TMEM178B: variants seen among roughly 807,000 people sequenced by gnomAD.
The protein encoded by TMEM178B is transmembrane protein 178B.
Under a neutral mutation model 31.0 loss-of-function variants are expected in TMEM178B, and 5 were observed. The ratio of observed to expected loss-of-function variants is 0.16; its 90% CI spans 0.08 to 0.34. The LOEUF (loss-of-function observed/expected upper bound fraction) is 0.34, where lower values mean the gene tolerates loss of function less well. Among genes scored for constraint, TMEM178B ranks in the 10% least tolerant of loss-of-function variants. The probability of loss-of-function intolerance (pLI) is 1.00; values close to 1 mark genes in which losing one functional copy is unlikely to be tolerated. For synonymous variants in TMEM178B, 164 were observed against 164.0 expected (o/e 1.00, Z 0.00); for missense variants, 275 against 400.3 (o/e 0.69, Z 2.67).
At chr7:141,508,026 G>A in the TMEM178B span, among the ~76,000 whole-genome samples, 6 of 152,306 alleles carry the variant, frequency 3.9e-5, no homozygotes, top group East Asian at 1.2e-3. Context: ...TTTCTCCCCA[G>A]AAAATGGGTT....
intron 3 of TMEM178B, among the ~76,000 whole-genome samples, chr7:141,464,317 G>T (rs142348646): frequency 1.3e-5 from 2 of 151,968 alleles, no homozygotes; most frequent in African/African-American, 4.8e-5. Context: ...GTTGCTACTG[G>T]ATATTTATGA....
At position 141,409,278 on chromosome 7, in the gene TMEM178B, A is replaced by C. The variant is rs533597866; in HGVS notation, c.497-28330A>C. On this transcript the variant is annotated intron_variant, in intron 2 of 3. Transcript: ENST00000565468. ...TGGCTGGCAAGAGGAGAGAAGAAAA[A>C]CTGTTCCCAGATGCATTTTATTTGG... is the stretch of plus-strand genomic sequence containing the variant. Among the ~76,000 whole-genome samples, 166 of 152,196 alleles carry C rather than the reference A, an allele frequency of 1.1e-3. 3 individuals carry two copies. In the South Asian group the frequency reaches 0.032, roughly 29 times the overall value.
At position 141,395,069 on chromosome 7, in the gene TMEM178B, C is replaced by T. The variant is rs932931265; in HGVS notation, c.497-42539C>T. Among the ~76,000 whole-genome samples, 3 of 152,210 alleles carry T rather than the reference C, an allele frequency of 2.0e-5. No individual in the cohort carries two copies. The East Asian group carries it at 5.8e-4, about 29-fold the overall frequency. On this transcript the variant is annotated intron_variant, in intron 2 of 3. Coordinates refer to ENST00000565468, the MANE Select transcript of TMEM178B (RefSeq NM_001195278.2). ...CCCTCTCACTCCTGTTTCCAATTGC[C>T]TTGTCCAGACACTGGGCAGTCCTCC...
chr7:141,448,054 C>G (rs1801794371), intron 3 of TMEM178B, among the ~76,000 whole-genome samples: 1 of 151,716 alleles, frequency 6.6e-6, no homozygotes, highest in Non-Finnish European at 1.5e-5. Flanking sequence ...TTGTAAACCC[C>G]CTTCTCCCTA....
At chr7:141,117,627 T>G (rs1023299179) in intron 1 of TMEM178B, among the ~76,000 whole-genome samples, 2 of 152,022 alleles carry the variant, frequency 1.3e-5, no homozygotes, top group African/African-American at 4.8e-5. Context: ...TCTTCTAGGG[T>G]TTTTTATGGT....
intron 1 of TMEM178B, among the ~76,000 whole-genome samples, chr7:141,190,573 G>A (rs139520091): frequency 1.1e-3 from 166 of 152,110 alleles, no homozygotes; most frequent in East Asian, 6.8e-3. Context: ...GGCCTCTCAA[G>A]GTGTTCGGAT....
At position 141,289,929 on chromosome 7, in the gene TMEM178B, A is replaced by T. The variant is rs541730990; in HGVS notation, c.496+77225A>T. ...GCGGGAGGATCATTTAAGGCCAAGA[A>T]TTAGAGGCCAGAGACCAGCCTGGGC... On this transcript the variant is annotated intron_variant, in intron 2 of 3. Coordinates refer to ENST00000565468, the MANE Select transcript of TMEM178B (RefSeq NM_001195278.2). Among the ~76,000 whole-genome samples the T allele has an allele frequency of 2.0e-5, 3 of 151,942 alleles. No individual in the cohort carries two copies. In the South Asian group the frequency reaches 6.3e-4, roughly 32 times the overall value.
intron 3 of TMEM178B, among the ~76,000 whole-genome samples, chr7:141,453,880 C>G (rs1340712901): frequency 6.7e-6 from 1 of 149,920 alleles, no homozygotes; most frequent in African/African-American, 2.5e-5. Context: ...CCCTATGTAA[C>G]TAAACTCTGT....
Position 141,437,718 on chromosome 7 carries a change from G to A in TMEM178B, c.607G>A (p.Val203Met), listed in dbSNP as rs1335395690. Reference protein sequence around the residue: ...CCWDRGLMQYVAGLLFLMGGT... With the variant: ...CCWDRGLMQYMAGLLFLMGGT... ...CTGGGACCGAGGCCTTATGCAGTAC[G>A]TGGCAGGGCTGCTCTTCCTCATGGG... Residue 203 changes from valine (V) to methionine (M), a missense_variant, in exon 3 of 4, where the codon GTG becomes ATG. By Grantham distance (21) the Val-to-Met change is conservative. Transcript: ENST00000565468. 3.9e-6 allele frequency: 6 copies of A among 1,536,066 alleles called. No individual in the cohort carries two copies. The highest frequency in any genetic ancestry group is 4.4e-6 in the Non-Finnish European group (5 of 1,146,878).
chr7:141,084,357 C>G (rs1794742832), intron 1 of TMEM178B, among the ~76,000 whole-genome samples: 1 of 152,186 alleles, frequency 6.6e-6, no homozygotes, highest in African/African-American at 2.4e-5. Flanking sequence ...TTTCACTGAA[C>G]TTATTTAAAA....
chr7:141,465,958 G>A (rs1384368329), intron 3 of TMEM178B, among the ~76,000 whole-genome samples: 1 of 152,216 alleles, frequency 6.6e-6, no homozygotes, highest in Non-Finnish European at 1.5e-5. Flanking sequence ...TGGAGGCAGA[G>A]GTTGCAGTGA....
chr7:141,416,904 A>C (rs1801109029), intron 2 of TMEM178B, among the ~76,000 whole-genome samples: 1 of 152,238 alleles, frequency 6.6e-6, no homozygotes, highest in African/African-American at 2.4e-5. Context: ...GACTGACTAC[A>C]CGTGAAGCAT....
intron 2 of TMEM178B, among the ~76,000 whole-genome samples, chr7:141,400,702 T>C (rs901716090): frequency 2.0e-5 from 3 of 152,222 alleles, no homozygotes; most frequent in Non-Finnish European, 4.4e-5. Context: ...CAGCCTGCTC[T>C]TCGTGGGTTG....
intron 2 of TMEM178B, among the ~76,000 whole-genome samples, chr7:141,231,186 G>A (rs1204230663): frequency 1.3e-5 from 2 of 152,042 alleles, no homozygotes; most frequent in Non-Finnish European, 2.9e-5. Context: ...CCAGCGCCTA[G>A]AACAGAGCTG....
Position 141,117,835 on chromosome 7 carries a change from T to G in TMEM178B, c.382+43143T>G, listed in dbSNP as rs1795344288. Among the ~76,000 whole-genome samples, 3 of 152,288 alleles carry G rather than the reference T, an allele frequency of 2.0e-5. No homozygotes were observed. In the South Asian group the frequency reaches 6.2e-4, roughly 32 times the overall value. ...AGATGGTTGTAGATGTGTGGCGTTT[T>G]TTCTGAGGCTTCTGTTCTGTTCCAT... On this transcript the variant is annotated intron_variant, in intron 1 of 3. Transcript: ENST00000565468.
intron 2 of TMEM178B, among the ~76,000 whole-genome samples, chr7:141,361,602 C>T (rs556631013): frequency 1.3e-5 from 2 of 152,326 alleles, no homozygotes; most frequent in South Asian, 4.2e-4. Flanking sequence ...CATGACATGA[C>T]ATCCTGGCAA....
intron 2 of TMEM178B, among the ~76,000 whole-genome samples, chr7:141,257,033 A>C (rs1226695040): frequency 6.6e-6 from 1 of 152,158 alleles, no homozygotes; most frequent in Non-Finnish European, 1.5e-5. Flanking sequence ...CGTACAGATG[A>C]GAGCAGCCCA....
chr7:141,275,448 C>T (rs1798250687), intron 2 of TMEM178B, among the ~76,000 whole-genome samples: 1 of 152,186 alleles, frequency 6.6e-6, no homozygotes. Context: ...CCCCACTCGT[C>T]TGCAGGAGCT....
intron 2 of TMEM178B, among the ~76,000 whole-genome samples, chr7:141,249,247 AG>A (rs1251402763): frequency 6.6e-6 from 1 of 152,104 alleles, no homozygotes; most frequent in Non-Finnish European, 1.5e-5. Context: ...AAGTCTCCTG[AG>A]ATCTGATGGT....
Sources: allele counts gnomAD v4.1 joint callset (sites outside exome capture counted in the v4.1 genomes callset), GRCh38; gene constraint gnomAD v4.1.1; transcripts MANE v1.5; gene names NCBI Gene and HGNC (gene_info 2026-07-23, HGNC 2026-07-21).